The following PPARGC1A variants were observed in gnomAD, a reference collection of about 807,000 sequenced individuals.
The protein encoded by PPARGC1A is peroxisome proliferator-activated receptor gamma coactivator 1-alpha.
PPARGC1A carries 25 observed loss-of-function variants against 88.7 expected under a neutral mutation model. That is an observed-to-expected ratio of 0.28 (90% CI 0.21 to 0.39). PPARGC1A has a LOEUF of 0.39. Ranked by LOEUF, PPARGC1A falls within the 10% of genes least tolerant of loss-of-function variation. The pLI, the probability that PPARGC1A is intolerant of heterozygous loss-of-function variation, is 1.00. For synonymous variants in PPARGC1A, 363 were observed against 355.6 expected, an observed-to-expected ratio of 1.02 and a Z score of -0.24; for missense variants, 880 against 968.7, an observed-to-expected ratio of 0.91 and a Z score of 1.22.
At chr4:24,097,227 C>T in the PPARGC1A span, among the ~76,000 whole-genome samples, 1 of 152,146 alleles carries the variant, frequency 6.6e-6, no homozygotes, top group African/African-American at 2.4e-5. Context: ...CTTTACCCTG[C>T]TCTGTTAGAT....
At chr4:24,286,145 C>T in the PPARGC1A span, among the ~76,000 whole-genome samples, 48 of 149,628 alleles carry the variant, frequency 3.2e-4, no homozygotes, top group South Asian at 1.5e-3. Flanking sequence ...ATACCCACTA[C>T]GAAAGAGAAC....
the PPARGC1A span, among the ~76,000 whole-genome samples, chr4:24,090,643 C>T: frequency 2.6e-4 from 40 of 151,998 alleles, no homozygotes; most frequent in East Asian, 5.8e-4. Context: ...TTTTTCCATA[C>T]GCCAGCAGCA....
chr4:23,805,349 T>C (rs1719606449), intron 10 of PPARGC1A, among the ~76,000 whole-genome samples: 1 of 152,056 alleles, frequency 6.6e-6, no homozygotes, highest in African/African-American at 2.4e-5. Context: ...ATCTCACTCA[T>C]AAAAATCACC....
chr4:24,090,867 A>G, the PPARGC1A span, among the ~76,000 whole-genome samples: 2 of 152,262 alleles, frequency 1.3e-5, no homozygotes, highest in Non-Finnish European at 2.9e-5. Context: ...AATTTGAAAT[A>G]GGTATTGTAA....
the PPARGC1A span, among the ~76,000 whole-genome samples, chr4:24,096,597 C>A: frequency 6.6e-6 from 1 of 152,120 alleles, no homozygotes; most frequent in African/African-American, 2.4e-5. Flanking sequence ...AACTAGGTAC[C>A]TTACAAAAAC....
chr4:23,952,291 TCTC>T, the PPARGC1A span, among the ~76,000 whole-genome samples: 1 of 152,104 alleles, frequency 6.6e-6, no homozygotes, highest in East Asian at 1.9e-4. Context: ...CCCATTCCAT[TCTC>T]CTTCTCTGCT....
chr4:24,183,336 C>A, the PPARGC1A span, among the ~76,000 whole-genome samples: 1 of 152,196 alleles, frequency 6.6e-6, no homozygotes, highest in Non-Finnish European at 1.5e-5. Flanking sequence ...AAGTTACCCA[C>A]AATCACTCTA....
At chr4:23,817,123 C>A (rs1013872154) in intron 7 of PPARGC1A, among the ~76,000 whole-genome samples, 4 of 152,086 alleles carry the variant, frequency 2.6e-5, no homozygotes, top group Non-Finnish European at 5.9e-5. Flanking sequence ...TAAAAAGAAA[C>A]CTTAAACTTC....
chr4:24,149,174 C>A, the PPARGC1A span, among the ~76,000 whole-genome samples: 1 of 152,076 alleles, frequency 6.6e-6, no homozygotes. Flanking sequence ...AGAATAAAAT[C>A]AGTCTGATAA....
chr4:24,200,195 C>T, the PPARGC1A span, among the ~76,000 whole-genome samples: 1 of 152,092 alleles, frequency 6.6e-6, no homozygotes, highest in Non-Finnish European at 1.5e-5. Context: ...AATTTGAAAA[C>T]TCACCAGACT....
chr4:24,461,658 G>GAC, the PPARGC1A span, among the ~76,000 whole-genome samples: 2 of 151,732 alleles, frequency 1.3e-5, no homozygotes, highest in Non-Finnish European at 2.9e-5. Context: ...CTAAATGAAA[G>GAC]CTCTCTTAGG....
chr4:23,846,724 T>C, intron 2 of PPARGC1A, among the ~76,000 whole-genome samples: 1 of 152,096 alleles, frequency 6.6e-6, no homozygotes, highest in East Asian at 1.9e-4. Flanking sequence ...TAATTAAAAA[T>C]TCCTGCCTTC....
chr4:24,330,344 T>C, the PPARGC1A span, among the ~76,000 whole-genome samples: 1 of 152,138 alleles, frequency 6.6e-6, no homozygotes, highest in South Asian at 2.1e-4. Context: ...TAACACCTAA[T>C]TGGCACAAAG....
intron 2 of PPARGC1A, among the ~76,000 whole-genome samples, chr4:23,845,354 A>G (rs1359058334): frequency 6.6e-6 from 1 of 152,168 alleles, no homozygotes; most frequent in African/African-American, 2.4e-5. Flanking sequence ...TTGTTCATAA[A>G]GACTTAGCAC....
At chr4:24,452,725 T>C in the PPARGC1A span, among the ~76,000 whole-genome samples, 4 of 152,174 alleles carry the variant, frequency 2.6e-5, no homozygotes, top group African/African-American at 9.7e-5. Context: ...CAAGGATAAA[T>C]AAATATGCTG....
the PPARGC1A span, among the ~76,000 whole-genome samples, chr4:24,316,631 C>T: frequency 6.6e-6 from 1 of 152,228 alleles, no homozygotes; most frequent in African/African-American, 2.4e-5. Flanking sequence ...CCTAAACCCA[C>T]TCTTGGCTCT....
the PPARGC1A span, among the ~76,000 whole-genome samples, chr4:24,381,819 G>T: frequency 6.6e-6 from 1 of 152,156 alleles, no homozygotes; most frequent in African/African-American, 2.4e-5. Flanking sequence ...GTAGACCTGA[G>T]GTTGATTAGA....
intron 7 of PPARGC1A, among the ~76,000 whole-genome samples, chr4:23,822,799 T>C (rs896248682): frequency 2.6e-5 from 4 of 152,084 alleles, no homozygotes; most frequent in Non-Finnish European, 4.4e-5. Context: ...ATCTTTCAAG[T>C]CCTCATCTCC....
At chr4:24,094,469 G>C in the PPARGC1A span, among the ~76,000 whole-genome samples, 1 of 152,058 alleles carries the variant, frequency 6.6e-6, no homozygotes, top group African/African-American at 2.4e-5. Context: ...GATTTTTCCT[G>C]TTCATAAGAT....
Sources: gnomAD v4.1 joint callset for allele counts (sites outside exome capture counted in the v4.1 genomes callset) on GRCh38, gnomAD v4.1.1 for gene constraint, MANE v1.5 for transcripts, NCBI Gene and HGNC (gene_info 2026-07-23, HGNC 2026-07-21) for gene names.